Variants in ADAP1 observed in about 807,000 individuals in gnomAD.
The protein encoded by ADAP1 is arf-GAP with dual PH domain-containing protein 1.
A neutral mutation model predicts 54.9 loss-of-function variants in ADAP1; 31 were observed. The ratio of observed to expected loss-of-function variants is 0.56; its 90% CI spans 0.42 to 0.76. The LOEUF (loss-of-function observed/expected upper bound fraction) is 0.76, where lower values mean the gene tolerates loss of function less well. Ranked by LOEUF, ADAP1 falls within the 30% of genes least tolerant of loss-of-function variation. ADAP1 has a pLI of 0.00. For missense variants in ADAP1, 535 were observed against 512.4 expected (o/e 1.04, Z -0.42); for synonymous variants, 313 against 202.6 (o/e 1.55, Z -4.63).
intron 1 of ADAP1, among the ~76,000 whole-genome samples, chr7:942,647 A>G (rs1583184721): frequency 6.7e-5 from 1 of 14,894 alleles, no homozygotes; most frequent in Non-Finnish European, 1.4e-4. Context: ...GAGGAGGAAG[A>G]GGAGGAAGGG....
In ADAP1 at chr7:926,590, G is replaced by A; in HGVS notation, c.268C>T (p.Pro90Ser). Residue 90 changes from proline to serine, a missense_variant, in exon 3 of 11, where the codon CCC becomes TCC. Pro to Ser is a moderately conservative substitution (Grantham distance 74, BLOSUM62 -1). Transcript: ENST00000265846. This position sits in a 1 kb window ranked among gnomAD's most constrained non-coding sequence, Gnocchi z 4.6. ...AARARFESKVPSFYYRPTPSD... is the reference protein window; with the variant it reads ...AARARFESKVSSFYYRPTPSD... The stretch of plus-strand genomic sequence containing the variant: ...GGCGTGGGCCGGTAGTAGAAGGAGG[G>A]TACTTTGGACTCAAACCTGGCTCTC... The A allele has an allele frequency of 6.5e-7, 1 of 1,543,184 alleles. No individual in the cohort carries two copies. Among genetic ancestry groups the A allele is most frequent in the Non-Finnish European group, 8.7e-7 (1 of 1,144,982 alleles).
At chr7:951,504 G>T (rs1352706932) in intron 1 of ADAP1, among the ~76,000 whole-genome samples, 3 of 152,168 alleles carry the variant, frequency 2.0e-5, no homozygotes, top group Non-Finnish European at 4.4e-5. Flanking sequence ...CTGAAACTGG[G>T]AGTTGGAGGT....
Position 898,230 on chromosome 7 carries a change from G to C in ADAP1, c.*691C>G, listed in dbSNP as rs766891683. ...CACTCCTGCCTCTGGTGGCCTCACC[G>C]CGGCCCAGGCCCTCGTCCCCAAGGG... On this transcript the variant is annotated 3_prime_UTR_variant, in exon 11 of 11. Coordinates refer to ENST00000265846, the MANE Select transcript of ADAP1 (RefSeq NM_006869.4). 1 of 153,262 alleles carries C rather than the reference G, an allele frequency of 6.5e-6. No homozygotes were observed. The highest frequency in any genetic ancestry group is 1.5e-5 in the Non-Finnish European group (1 of 68,780). 9.5% of individuals were successfully genotyped at this position (153,262 alleles called of 1,614,324 possible). A position where few individuals can be genotyped will look rare whatever the true frequency, so the allele number is the denominator to read the frequency against.
At chr7:930,973 G>C (rs1181831376) in intron 2 of ADAP1, among the ~76,000 whole-genome samples, 9 of 129,594 alleles carry the variant, frequency 6.9e-5, no homozygotes, top group East Asian at 2.5e-4. Flanking sequence ...GAGTCAGACT[G>C]TGTCTCAAAA....
rs371686854 is a variant in ADAP1 at position 899,014 on chromosome 7, G to A, written c.1096+19C>T. 48 of 1,609,418 alleles carry A rather than the reference G, an allele frequency of 3.0e-5. No individual in the cohort carries two copies. The highest frequency in any genetic ancestry group is 4.0e-5 in the African/African-American group (3 of 74,908). The stretch of plus-strand genomic sequence containing the variant: ...GAGCTGGGAGCCCTTCCAGGCCGCC[G>A]GCCGCCCGCCCCCCTCACCTGCGTA... On this transcript the variant is annotated intron_variant, in intron 10 of 10. Coordinates refer to ENST00000265846, the MANE Select transcript of ADAP1 (RefSeq NM_006869.4).
In ADAP1 at chr7:898,662, C is replaced by T. The variant is rs745837385; in HGVS notation, c.*259G>A. 88 of 553,904 alleles carry T rather than the reference C, an allele frequency of 1.6e-4. 1 individual carries two copies. Among genetic ancestry groups the T allele is most frequent in the Non-Finnish European group, 2.6e-4 (79 of 308,250 alleles). The allele number at this position is 553,904 out of a possible 1,614,324, so 34.3% of individuals were successfully genotyped here. A position where few individuals can be genotyped will look rare whatever the true frequency, so the allele number is the denominator to read the frequency against. ...CCCTGGAGGAAAGGGGGCCCCGGGTCAGGGAGGGGCAGGTTGGCTGGGTGT... is the reference window on the plus strand; with the variant it reads ...CCCTGGAGGAAAGGGGGCCCCGGGTTAGGGAGGGGCAGGTTGGCTGGGTGT... On this transcript the variant is annotated 3_prime_UTR_variant, in exon 11 of 11. Coordinates refer to ENST00000265846, the MANE Select transcript of ADAP1 (RefSeq NM_006869.4).
At chr7:905,272 C>CG (rs60530181) in intron 4 of ADAP1, 100 bp from the exon 5 acceptor site, 18,411 of 317,892 alleles carry the variant, frequency 0.058, 1,870 homozygotes, top group African/African-American at 0.31. Context: ...GGAGAAGACA[C>CG]GGGGGACACG....
chr7:909,669 C>A (rs1845639478), intron 4 of ADAP1, among the ~76,000 whole-genome samples: 1 of 152,226 alleles, frequency 6.6e-6, no homozygotes, highest in African/African-American at 2.4e-5. Flanking sequence ...GGGGCTTCTC[C>A]CCACAGAGCA....
At chr7:934,717 C>A (rs1846693467) in intron 2 of ADAP1, among the ~76,000 whole-genome samples, 2 of 152,216 alleles carry the variant, frequency 1.3e-5, no homozygotes, top group African/African-American at 2.4e-5. Context: ...ATGCGTGGCC[C>A]CTCCCTGCAC....
chr7:951,932 A>T (rs1388785396), intron 1 of ADAP1, among the ~76,000 whole-genome samples: 2 of 151,942 alleles, frequency 1.3e-5, no homozygotes, highest in African/African-American at 4.8e-5. Flanking sequence ...CTCCCAAAGC[A>T]CTGGGATGAC....
In ADAP1 at chr7:899,249, G is replaced by C; in HGVS notation, c.880C>G (p.Arg294Gly). The change falls in exon 10 of 11, where the codon CGA becomes GGA. Residue 294 changes from arginine to glycine, a missense_variant. Transcript: ENST00000265846. ...YFKDPLDAFA[R>G]GEVFIGSKES... ...TTGCTGCCAATGAAGACTTCCCCTC[G>C]GGCGAAGGCGTCCTGTGGGTGGGGA... is the stretch of plus-strand genomic sequence containing the variant. 6.2e-7 allele frequency: 1 copy of C among 1,612,718 alleles called. No homozygotes were observed. The highest frequency in any genetic ancestry group is 8.5e-7 in the Non-Finnish European group (1 of 1,179,934).
chr7:919,287 A>G (rs900287586), intron 4 of ADAP1, among the ~76,000 whole-genome samples: 5 of 152,156 alleles, frequency 3.3e-5, no homozygotes, highest in African/African-American at 1.2e-4. Flanking sequence ...TGCTGGAGAC[A>G]GGGGTCCCTG....
At position 924,191 on chromosome 7, in the gene ADAP1, A is replaced by AG. The variant is rs748164788; in HGVS notation, c.305+2361dup. ...CCCCCCGCCCTCCAGGTTACACAGC[A>AG]GTTCACGCTGCACCCCCCGCCCTCC... is the stretch of plus-strand genomic sequence containing the variant. On this transcript the variant is annotated intron_variant, in intron 3 of 10. Transcript: ENST00000265846. Among the ~76,000 whole-genome samples, 290 of 57,776 alleles carry AG rather than the reference A, an allele frequency of 5.0e-3. 1 individual carries two copies. Among genetic ancestry groups the AG allele is most frequent in the East Asian group, 8.9e-3 (4 of 450 alleles). 37.9% of individuals were successfully genotyped at this position (57,776 alleles called of 152,430 possible).
chr7:917,969 G>C (rs1383612224), intron 4 of ADAP1, among the ~76,000 whole-genome samples: 2 of 152,032 alleles, frequency 1.3e-5, no homozygotes, highest in African/African-American at 4.8e-5. Context: ...TCCAAAAAAT[G>C]AGCAACATGG....
In ADAP1 at chr7:898,518, G is replaced by A. The variant is rs141928287; in HGVS notation, c.*403C>T. 3.8e-3 allele frequency: 1,107 copies of A among 287,772 alleles called. 12 individuals are homozygous for A. The highest frequency in any genetic ancestry group is 0.017 in the African/African-American group (770 of 46,072). The allele number at this position is 287,772 out of a possible 1,614,324, so 17.8% of individuals were successfully genotyped here. On this transcript the variant is annotated 3_prime_UTR_variant, in exon 11 of 11. Coordinates refer to ENST00000265846, the MANE Select transcript of ADAP1 (RefSeq NM_006869.4). ...ATGCGAGCAGGGCCCAGTCCCCAGC[G>A]GCCGGCAGCTGCCCACCGTGCTGGC...
intron 1 of ADAP1, 29 bp from the exon 2 acceptor site, chr7:935,534 G>A (rs1483147707): frequency 6.4e-7 from 1 of 1,555,452 alleles, no homozygotes; most frequent in Non-Finnish European, 8.7e-7. Context: ...CGTTCACGGA[G>A]GCTCAGCCCA....
chr7:939,208 A>C (rs1181708779), intron 1 of ADAP1, among the ~76,000 whole-genome samples: 1 of 151,958 alleles, frequency 6.6e-6, no homozygotes, highest in Non-Finnish European at 1.5e-5. Context: ...ACGGCCCTAA[A>C]ATATTTACTG....
In ADAP1 at chr7:898,709, G is replaced by T; in HGVS notation, c.*212C>A. 1.6e-6 allele frequency: 1 copy of T among 637,432 alleles called. No homozygotes were observed. Among genetic ancestry groups the T allele is most frequent in the Non-Finnish European group, 2.7e-6 (1 of 369,562 alleles). 39.5% of individuals were successfully genotyped at this position (637,432 alleles called of 1,614,324 possible). ...GTGTGGTCAGCAGCAGCATGACGGG[G>T]TTAGAGATCAGGCCCAGGGCCTGGG... is the stretch of plus-strand genomic sequence containing the variant. On this transcript the variant is annotated 3_prime_UTR_variant, in exon 11 of 11. Transcript: ENST00000265846.
intron 4 of ADAP1, among the ~76,000 whole-genome samples, chr7:907,458 T>C (rs1387363052): frequency 6.6e-6 from 1 of 152,030 alleles, no homozygotes. Flanking sequence ...CTCGGGCCCG[T>C]GGGATCGTCC....
Sources: gnomAD v4.1 joint callset for allele counts (sites outside exome capture counted in the v4.1 genomes callset) on GRCh38, gnomAD v4.1.1 for gene constraint, Gnocchi (gnomAD v3.1) non-coding constraint, MANE v1.5 for transcripts, NCBI Gene and HGNC (gene_info 2026-07-23, HGNC 2026-07-21) for gene names.